The following WWOX variants were observed in gnomAD, a reference collection of about 807,000 sequenced individuals.
WWOX encodes WW domain-containing oxidoreductase.
Under a neutral mutation model 46.2 loss-of-function variants are expected in WWOX, and 69 were observed. The ratio of observed to expected loss-of-function variants is 1.49; its 90% CI spans 1.23 to 1.82. WWOX has a LOEUF of 1.82. WWOX is among the 40% of genes most tolerant of loss of function. WWOX has a pLI of 0.00. For synonymous variants in WWOX, 359 were observed against 202.6 expected (o/e 1.77, Z -6.56); for missense variants, 919 against 542.6 (o/e 1.69, Z -6.89).
At chr16:78,319,789 A>G (rs2080428442) in intron 5 of WWOX, among the ~76,000 whole-genome samples, 1 of 152,146 alleles carries the variant, frequency 6.6e-6, no homozygotes, top group Non-Finnish European at 1.5e-5. Flanking sequence ...TTGAAGTCAC[A>G]CTTGCCACCC....
chr16:78,125,277 C>G (rs1177226782), intron 4 of WWOX, among the ~76,000 whole-genome samples: 1 of 152,076 alleles, frequency 6.6e-6, no homozygotes, highest in African/African-American at 2.4e-5. Context: ...TGAGATCATA[C>G]AGGTCTTGGG....
chr16:78,893,066 C>G (rs2044625335), intron 8 of WWOX, among the ~76,000 whole-genome samples: 1 of 152,094 alleles, frequency 6.6e-6, no homozygotes. Flanking sequence ...GTCAGAGGAG[C>G]ACTGGAGTCA....
At chr16:78,660,144 T>C (rs1025163462) in intron 8 of WWOX, among the ~76,000 whole-genome samples, 2 of 151,906 alleles carry the variant, frequency 1.3e-5, no homozygotes, top group African/African-American at 4.8e-5. Flanking sequence ...GCCTTTCCCA[T>C]CTGTTTACTA....
intron 4 of WWOX, among the ~76,000 whole-genome samples, chr16:78,119,736 G>T (rs1447534001): frequency 6.6e-6 from 1 of 151,908 alleles, no homozygotes; most frequent in Non-Finnish European, 1.5e-5. Context: ...AAAGTACTGA[G>T]ATTACTGGTG....
chr16:78,501,325 T>G (rs1054548913), intron 8 of WWOX, among the ~76,000 whole-genome samples: 7 of 151,730 alleles, frequency 4.6e-5, no homozygotes, highest in African/African-American at 1.5e-4. Flanking sequence ...TGGCATTCTT[T>G]ATGAAAATCT....
At chr16:78,948,763 C>T (rs575117605) in intron 8 of WWOX, among the ~76,000 whole-genome samples, 99 of 152,156 alleles carry the variant, frequency 6.5e-4, no homozygotes, top group Non-Finnish European at 7.9e-4. Flanking sequence ...GGTGGTGTTA[C>T]GTAACATGAC....
At chr16:78,598,408 A>G (rs1019809378) in intron 8 of WWOX, among the ~76,000 whole-genome samples, 4 of 152,150 alleles carry the variant, frequency 2.6e-5, no homozygotes, top group African/African-American at 4.8e-5. Context: ...TGCAAATTGA[A>G]TTTATAAGGT....
chr16:79,048,156 C>T (rs371750576), intron 8 of WWOX, among the ~76,000 whole-genome samples: 2 of 152,184 alleles, frequency 1.3e-5, no homozygotes, highest in Non-Finnish European at 2.9e-5. Flanking sequence ...CATGGAGAAG[C>T]TTCCTTCAAA....
intron 8 of WWOX, among the ~76,000 whole-genome samples, chr16:78,572,602 C>CAA (rs35178787): frequency 0.19 from 7,661 of 40,922 alleles, 1,330 homozygotes; most frequent in Middle Eastern, 0.23. Flanking sequence ...GACTCTGTCT[C>CAA]AAAAAAAAAA....
At chr16:79,102,561 T>G (rs1217910672) in intron 8 of WWOX, among the ~76,000 whole-genome samples, 2 of 152,178 alleles carry the variant, frequency 1.3e-5, no homozygotes, top group Non-Finnish European at 2.9e-5. Flanking sequence ...AATCATACTT[T>G]GAAGCTCAAT....
chr16:78,533,393 A>G (rs956281759), intron 8 of WWOX, among the ~76,000 whole-genome samples: 3 of 145,394 alleles, frequency 2.1e-5, no homozygotes, highest in Admixed American at 1.4e-4. Flanking sequence ...TGCACATAAT[A>G]TACAATTGTT....
intron 8 of WWOX, among the ~76,000 whole-genome samples, chr16:78,467,689 G>A (rs1047454325): frequency 6.6e-6 from 1 of 152,152 alleles, no homozygotes; most frequent in Non-Finnish European, 1.5e-5. Flanking sequence ...CTTAATTAAT[G>A]TCTGTTTTCC....
rs964008944 is a variant in WWOX at position 78,194,539 on chromosome 16, G to T, written c.516+30250G>T. Among the ~76,000 whole-genome samples the T allele has an allele frequency of 6.3e-5, 9 of 142,056 alleles. No individual in the cohort carries two copies. In the East Asian group the frequency reaches 1.7e-3, roughly 27 times the overall value. The allele number at this position is 142,056 out of a possible 152,430, so 93.2% of individuals were successfully genotyped here. A position where few individuals can be genotyped will look rare whatever the true frequency, so the allele number is the denominator to read the frequency against. On this transcript the variant is annotated intron_variant, in intron 5 of 8. Coordinates refer to ENST00000566780, the MANE Select transcript of WWOX (RefSeq NM_016373.4). Reference sequence around the variant, plus strand: ...GGAGGCAGAGGTTGCAGTGAGCTGAGATCATGCTACTGCACTCCAGGCTGG... The same window carrying T: ...GGAGGCAGAGGTTGCAGTGAGCTGATATCATGCTACTGCACTCCAGGCTGG...
intron 8 of WWOX, among the ~76,000 whole-genome samples, chr16:78,624,179 C>G (rs934695056): frequency 7.9e-5 from 12 of 151,520 alleles, no homozygotes; most frequent in African/African-American, 2.7e-4. Context: ...ATTTCTGAAA[C>G]CTTGTTTTAT....
chr16:79,041,131 A>G (rs1043444743), intron 8 of WWOX, among the ~76,000 whole-genome samples: 3 of 152,064 alleles, frequency 2.0e-5, no homozygotes, highest in African/African-American at 4.8e-5. Context: ...TAACACACCT[A>G]TTGGCAGTCT....
intron 5 of WWOX, among the ~76,000 whole-genome samples, chr16:78,312,691 C>A (rs2080271886): frequency 6.6e-6 from 1 of 151,064 alleles, no homozygotes; most frequent in South Asian, 2.1e-4. Flanking sequence ...AGGCCTAATT[C>A]TAGCAATCTC....
intron 8 of WWOX, among the ~76,000 whole-genome samples, chr16:79,053,335 C>G (rs2048204552): frequency 6.6e-6 from 1 of 152,146 alleles, no homozygotes; most frequent in African/African-American, 2.4e-5. Flanking sequence ...TAATGTGATT[C>G]CTGCATCCCA....
chr16:78,578,033 T>C (rs1165737661), intron 8 of WWOX, among the ~76,000 whole-genome samples: 1 of 151,892 alleles, frequency 6.6e-6, no homozygotes, highest in Admixed American at 6.6e-5. Flanking sequence ...CCGCCATTGT[T>C]CTTGTATAAA....
At chr16:78,314,712 T>TG (rs1215954521) in intron 5 of WWOX, among the ~76,000 whole-genome samples, 13 of 138,554 alleles carry the variant, frequency 9.4e-5, no homozygotes, top group Admixed American at 1.4e-4. Context: ...TTTTTTTTTT[T>TG]TTTTTTTTTC....
Sources: allele counts gnomAD v4.1 joint callset (sites outside exome capture counted in the v4.1 genomes callset), GRCh38; gene constraint gnomAD v4.1.1; transcripts MANE v1.5; gene names NCBI Gene and HGNC (gene_info 2026-07-23, HGNC 2026-07-21).